USH2A: variants seen among roughly 807,000 people sequenced by gnomAD.
The protein encoded by USH2A is Usher syndrome 2A (autosomal recessive, mild).
In USH2A, 443 loss-of-function variants were observed where a neutral mutation model predicts 538.9. The ratio of observed to expected loss-of-function variants is 0.82; its 90% CI spans 0.76 to 0.89. The LOEUF is 0.89. Ranked by LOEUF, USH2A falls within the 40% of genes least tolerant of loss-of-function variation. USH2A has a pLI of 0.00. For synonymous variants in USH2A, 2,413 were observed against 2,273.5 expected (o/e 1.06, Z -1.75); for missense variants, 6,633 against 6,324.8 (o/e 1.05, Z -1.65).
At chr1:215,643,587 A>G (rs1361779) in intron 67 of USH2A, among the ~76,000 whole-genome samples, 61,260 of 151,364 alleles carry the variant, frequency 0.4, 15,583 homozygotes, top group Non-Finnish European at 0.56. Flanking sequence ...GTGCAGTGAC[A>G]TGATCACAGC....
chr1:216,368,400 C>T (rs1024546976), intron 3 of USH2A, among the ~76,000 whole-genome samples: 2 of 152,144 alleles, frequency 1.3e-5, no homozygotes, highest in Non-Finnish European at 1.5e-5. Flanking sequence ...CAGATCTTTG[C>T]TGCTATTTTA....
intron 44 of USH2A, among the ~76,000 whole-genome samples, chr1:215,864,964 G>T (rs1664432826): frequency 6.6e-6 from 1 of 152,060 alleles, no homozygotes; most frequent in Admixed American, 6.6e-5. Context: ...ATATACATTG[G>T]AAGGTGATTT....
Position 215,766,664 on chromosome 1 carries a change from G to A in USH2A, c.11047+17C>T. The stretch of plus-strand genomic sequence containing the variant: ...GTGAAAATTTCTTCCCTCAAACCAT[G>A]GATATTGTTTCATTACCTTCAGGAG... On this transcript the variant is annotated intron_variant, in intron 56 of 71. Coordinates refer to ENST00000307340, the MANE Select transcript of USH2A (RefSeq NM_206933.4). 6.2e-7 allele frequency: 1 copy of A among 1,606,048 alleles called. No individual in the cohort carries two copies. Among genetic ancestry groups the A allele is most frequent in the Non-Finnish European group, 8.5e-7 (1 of 1,172,852 alleles).
At chr1:215,676,516 A>G (rs1460944359) in intron 62 of USH2A, among the ~76,000 whole-genome samples, 8 of 152,166 alleles carry the variant, frequency 5.3e-5, no homozygotes, top group Non-Finnish European at 1.2e-4. Flanking sequence ...GACACATTTT[A>G]CAGCCCTTGG....
intron 58 of USH2A, among the ~76,000 whole-genome samples, chr1:215,750,281 T>C (rs1011562449): frequency 3.3e-5 from 5 of 152,170 alleles, no homozygotes; most frequent in Admixed American, 6.5e-5. Context: ...ACCAATTGTA[T>C]GGAAATTTAA....
chr1:215,794,184 A>C (rs1662059370), intron 50 of USH2A, among the ~76,000 whole-genome samples: 1 of 152,180 alleles, frequency 6.6e-6, no homozygotes, highest in South Asian at 2.1e-4. Context: ...TTCCAACAGC[A>C]TCTGTTAATT....
intron 52 of USH2A, among the ~76,000 whole-genome samples, chr1:215,785,043 T>G (rs188288264): frequency 2.6e-4 from 39 of 152,338 alleles, no homozygotes; most frequent in Middle Eastern, 3.4e-3. Flanking sequence ...GTCCTCTATC[T>G]GAGGCCTTTC....
chr1:216,026,738 A>G (rs1253470508), intron 32 of USH2A, among the ~76,000 whole-genome samples: 1 of 152,200 alleles, frequency 6.6e-6, no homozygotes, highest in African/African-American at 2.4e-5. Context: ...AGTGAGAAAG[A>G]CAATGAGGTT....
At chr1:216,084,551 A>C in intron 25 of USH2A, 147 bp downstream of exon 25, 1 of 781,412 alleles carries the variant, frequency 1.3e-6, no homozygotes, top group East Asian at 2.7e-5. Context: ...TGTCAAGAAT[A>C]TATTTGTGTG....
intron 71 of USH2A, among the ~76,000 whole-genome samples, chr1:215,628,495 C>G (rs1656140704): frequency 6.6e-6 from 1 of 152,130 alleles, no homozygotes; most frequent in Non-Finnish European, 1.5e-5. Flanking sequence ...GTTGGCCAGG[C>G]TGGTCTCAAA....
At chr1:216,090,391 C>T (rs545976013) in intron 22 of USH2A, among the ~76,000 whole-genome samples, 12 of 142,888 alleles carry the variant, frequency 8.4e-5, no homozygotes, top group African/African-American at 2.1e-4. Context: ...ATAAAGAGCT[C>T]GACAACATGT....
intron 32 of USH2A, among the ~76,000 whole-genome samples, chr1:216,032,898 T>A (rs1223544404): frequency 6.6e-6 from 1 of 152,184 alleles, no homozygotes; most frequent in Non-Finnish European, 1.5e-5. Flanking sequence ...AGCCTTCAGA[T>A]GAGAGCCCAA....
At chr1:216,102,561 A>T (rs974034249) in intron 21 of USH2A, among the ~76,000 whole-genome samples, 1 of 152,130 alleles carries the variant, frequency 6.6e-6, no homozygotes, top group Non-Finnish European at 1.5e-5. Context: ...GCACTTTGGG[A>T]GGCCGAGGCA....
chr1:216,412,601 CAT>C (rs915311783), intron 3 of USH2A, among the ~76,000 whole-genome samples: 1 of 151,616 alleles, frequency 6.6e-6, no homozygotes, highest in African/African-American at 2.4e-5. Context: ...TTGTATAAAT[CAT>C]GTAAATATCT....
At chr1:215,698,936 C>T (rs965024411) in intron 61 of USH2A, among the ~76,000 whole-genome samples, 9 of 152,146 alleles carry the variant, frequency 5.9e-5, no homozygotes, top group Non-Finnish European at 1.0e-4. Context: ...AGGTTTTCTT[C>T]TAGGGTTTTT....
chr1:215,779,208 T>C (rs1661548628), intron 55 of USH2A, among the ~76,000 whole-genome samples: 2 of 152,186 alleles, frequency 1.3e-5, no homozygotes, highest in Admixed American at 1.3e-4. Context: ...AGTCAGAAAA[T>C]GCTTCTCCTC....
chr1:216,323,579 G>T lies in USH2A; in HGVS notation c.1445C>A (p.Ala482Asp), dbSNP rs1423290679. 6.2e-7 allele frequency: 1 copy of T among 1,613,504 alleles called. No homozygotes were observed. Among genetic ancestry groups the T allele is most frequent in the South Asian group, 1.1e-5 (1 of 91,062 alleles). The change falls in exon 8 of 72, where the codon GCC becomes GAC. Residue 482 changes from alanine to aspartate, a missense_variant. Ala to Asp is a moderately radical substitution (Grantham distance 126). Coordinates refer to ENST00000307340, the MANE Select transcript of USH2A (RefSeq NM_206933.4). ...ATGAAAATGAAACCTTATTTGCGTG[G>T]CTTTTACGAACTCTTGAAGAGATGG... ...NTPSLQEFVK[A>D]TQIRFHFHGQ...
At chr1:216,115,184 T>G (rs773609038) in intron 21 of USH2A, among the ~76,000 whole-genome samples, 1 of 152,142 alleles carries the variant, frequency 6.6e-6, no homozygotes, top group South Asian at 2.1e-4. Flanking sequence ...AAGGCTTGAG[T>G]GTAGTGGCGT....
intron 30 of USH2A, among the ~76,000 whole-genome samples, chr1:216,048,977 T>C (rs2030642566): frequency 6.6e-6 from 1 of 152,174 alleles, no homozygotes; most frequent in South Asian, 2.1e-4. Context: ...CTAAGATATA[T>C]ATTATCTCAT....
Sources: gnomAD v4.1 joint callset for allele counts (sites outside exome capture counted in the v4.1 genomes callset) on GRCh38, gnomAD v4.1.1 for gene constraint, MANE v1.5 for transcripts, NCBI Gene and HGNC (gene_info 2026-07-23, HGNC 2026-07-21) for gene names.